The following HDAC9 variants were observed in gnomAD, a reference collection of about 807,000 sequenced individuals.
The protein encoded by HDAC9 is histone deacetylase 9, also known as MEF-2 interacting transcription repressor (MITR) protein.
In HDAC9, 41 loss-of-function variants were observed where a neutral mutation model predicts 139.4. That is an observed-to-expected ratio of 0.29 (90% CI 0.23 to 0.38). The LOEUF is 0.38. HDAC9 is among the 10% of genes least tolerant of loss of function. HDAC9 has a pLI of 1.00. For synonymous variants in HDAC9, 517 were observed against 476.2 expected (o/e 1.09, Z -1.12); for missense variants, 1,147 against 1,297.0 (o/e 0.88, Z 1.78).
In HDAC9 at chr7:18,573,532, C is replaced by T. The variant is rs576203538; in HGVS notation, c.23-11749C>T. 1.2e-4 allele frequency among the ~76,000 whole-genome samples: 18 copies of T among 152,326 alleles called. No homozygotes were observed. The South Asian group carries it at 3.7e-3, about 32-fold the overall frequency. On this transcript the variant is annotated intron_variant, in intron 2 of 25. Coordinates refer to ENST00000686413, the MANE Select transcript of HDAC9 (RefSeq NM_178425.4). ...CTTTCCACCCACTCGGCTCAACAGGCTGCACTCGGCTCGTGCTGCCAGCCC... is the reference window on the plus strand; with the variant it reads ...CTTTCCACCCACTCGGCTCAACAGGTTGCACTCGGCTCGTGCTGCCAGCCC...
rs577724149 is a variant in HDAC9, at chr7:18,751,714, T to C, written c.2043+2576T>C. Among the ~76,000 whole-genome samples, 24 of 152,204 alleles carry C rather than the reference T, an allele frequency of 1.6e-4. 1 individual carries two copies. The South Asian group carries it at 5.0e-3, about 32-fold the overall frequency. ...TGAATGATATTAGAAAAATTCAAAA[T>C]TAAATTTTAGAAAGTATTAACTAAA... On this transcript the variant is annotated intron_variant, in intron 14 of 25. Coordinates refer to ENST00000686413, the MANE Select transcript of HDAC9 (RefSeq NM_178425.4).
At chr7:18,963,431 C>G (rs1183194548) in intron 24 of HDAC9, among the ~76,000 whole-genome samples, 3 of 152,030 alleles carry the variant, frequency 2.0e-5, no homozygotes, top group Admixed American at 2.0e-4. Flanking sequence ...AATATGAACT[C>G]AAATACATAA....
At chr7:18,491,083 T>C (rs1460547205), upstream of HDAC9, among the ~76,000 whole-genome samples, 1 of 151,922 alleles carries the variant, frequency 6.6e-6, no homozygotes, top group African/African-American at 2.4e-5. Flanking sequence ...CTTTGCTTGT[T>C]TCCAGTTATC....
chr7:18,530,906 C>G (rs537866956), intron 2 of HDAC9, among the ~76,000 whole-genome samples: 100 of 151,708 alleles, frequency 6.6e-4, no homozygotes, highest in African/African-American at 2.3e-3. Flanking sequence ...TAAAGGCTTA[C>G]AGTGAAAAGA....
chr7:18,251,395 T>A (rs1794910203), intron 2 of HDAC9, among the ~76,000 whole-genome samples: 1 of 151,404 alleles, frequency 6.6e-6, no homozygotes. Context: ...TCAGGAAGAG[T>A]AGCTAATGGA....
chr7:18,290,014 A>G (rs1797705994), upstream of HDAC9: 1 of 154,926 alleles, frequency 6.5e-6, no homozygotes, highest in African/African-American at 2.4e-5. Context: ...AGAATCATTT[A>G]TCAACAAATG....
At chr7:18,789,522 C>T (rs1792123125) in intron 16 of HDAC9, among the ~76,000 whole-genome samples, 1 of 152,152 alleles carries the variant, frequency 6.6e-6, no homozygotes, top group Non-Finnish European at 1.5e-5. Context: ...CAGGGTGGCT[C>T]CCTGCTCCAC....
intron 1 of HDAC9, among the ~76,000 whole-genome samples, chr7:18,308,969 G>T (rs1391442781): frequency 2.0e-5 from 3 of 152,162 alleles, no homozygotes; most frequent in Non-Finnish European, 4.4e-5. Flanking sequence ...AAAGTCACAT[G>T]GCTGGTGAGA....
upstream of HDAC9, among the ~76,000 whole-genome samples, chr7:18,289,214 A>C (rs1797647852): frequency 6.6e-6 from 1 of 152,170 alleles, no homozygotes; most frequent in Non-Finnish European, 1.5e-5. Context: ...AAACTATTGG[A>C]GAGATCTCAG....
chr7:18,188,496 A>G lies in HDAC9; in HGVS notation c.25+26147A>G, dbSNP rs908376232. ...ATTGCAACAAAAGCCAAAATTGACAAATGGGATCTAATTAAACTAAAGAGC... is the reference window on the plus strand; with the variant it reads ...ATTGCAACAAAAGCCAAAATTGACAGATGGGATCTAATTAAACTAAAGAGC... On this transcript the variant is annotated intron_variant, in intron 2 of 12. Coordinates refer to the HDAC9 transcript ENST00000417496. Among the ~76,000 whole-genome samples the G allele has an allele frequency of 4.6e-5, 7 of 152,312 alleles. No homozygotes were observed. In the South Asian group the frequency reaches 1.0e-3, roughly 23 times the overall value.
chr7:18,213,938 A>G (rs2128170362), intron 2 of HDAC9, among the ~76,000 whole-genome samples: 1 of 152,214 alleles, frequency 6.6e-6, no homozygotes, highest in Admixed American at 6.5e-5. Context: ...GTAATCACCC[A>G]GCAGTTGTTT....
At chr7:18,697,913 C>G (rs545546682) in intron 12 of HDAC9, among the ~76,000 whole-genome samples, 78 of 151,946 alleles carry the variant, frequency 5.1e-4, no homozygotes, top group Non-Finnish European at 7.8e-4. Context: ...AAAGCCTTGA[C>G]TTAATAAAAA....
At chr7:18,778,724 C>T (rs928347996) in intron 16 of HDAC9, among the ~76,000 whole-genome samples, 2 of 151,960 alleles carry the variant, frequency 1.3e-5, no homozygotes, top group South Asian at 2.1e-4. Context: ...ATCTATGAGT[C>T]CCCCGGATCT....
intron 2 of HDAC9, among the ~76,000 whole-genome samples, chr7:18,270,491 T>G (rs1401691861): frequency 6.6e-6 from 1 of 152,172 alleles, no homozygotes; most frequent in African/African-American, 2.4e-5. Context: ...ATTGGTACTT[T>G]CCTTTGTGGG....
intron 21 of HDAC9, among the ~76,000 whole-genome samples, chr7:18,838,734 G>C (rs1244060793): frequency 6.6e-6 from 1 of 151,938 alleles, no homozygotes; most frequent in African/African-American, 2.4e-5. Context: ...GCAGGAAATG[G>C]AGGTGGGGGA....
At chr7:18,702,711 T>C (rs980626629) in intron 12 of HDAC9, among the ~76,000 whole-genome samples, 1 of 152,166 alleles carries the variant, frequency 6.6e-6, no homozygotes, top group African/African-American at 2.4e-5. Context: ...AACAAACCTG[T>C]CACGATTCAA....
At chr7:18,801,714 T>C (rs1458508323) in intron 17 of HDAC9, among the ~76,000 whole-genome samples, 1 of 152,102 alleles carries the variant, frequency 6.6e-6, no homozygotes, top group African/African-American at 2.4e-5. Flanking sequence ...CCTTGTTATT[T>C]AGGAAGATTT....
In HDAC9 at chr7:18,510,969, C is replaced by T. The variant is rs78859288; in HGVS notation, c.22+14645C>T. ...TAAGACTTAGAAAATTAATTGAGTT[C>T]GTTGATAATAGATGTGTGGGCTGAG... On this transcript the variant is annotated intron_variant, in intron 2 of 25. Coordinates refer to ENST00000686413, the MANE Select transcript of HDAC9 (RefSeq NM_178425.4). Among the ~76,000 whole-genome samples, 957 of 152,130 alleles carry T rather than the reference C, an allele frequency of 6.3e-3. 9 individuals are homozygous for T. Among genetic ancestry groups the T allele is most frequent in the African/African-American group, 0.022 (926 of 41,490 alleles).
At chr7:18,244,999 A>ATCTATCTATCTATCTATCTATCTG (rs1794429816) in intron 2 of HDAC9, among the ~76,000 whole-genome samples, 1 of 151,720 alleles carries the variant, frequency 6.6e-6, no homozygotes, top group Admixed American at 6.6e-5. Context: ...ATCTGCATCT[A>ATCTATCTATCTATCTATCTATCTG]TCTATCTATC....
Sources: gnomAD v4.1 joint callset for allele counts (sites outside exome capture counted in the v4.1 genomes callset) on GRCh38, gnomAD v4.1.1 for gene constraint, MANE v1.5 for transcripts, NCBI Gene and HGNC (gene_info 2026-07-23, HGNC 2026-07-21) for gene names.